Variants in ADK observed in about 807,000 individuals in gnomAD.
The protein encoded by ADK is adenosine kinase.
ADK carries 24 observed loss-of-function variants against 44.7 expected under a neutral mutation model. The ratio of observed to expected loss-of-function variants is 0.54; its 90% confidence interval spans 0.39 to 0.76. The LOEUF is 0.76. Ranked by LOEUF, ADK falls within the 30% of genes least tolerant of loss-of-function variation. The pLI, the probability that ADK is intolerant of heterozygous loss-of-function variation, is 0.00. For synonymous variants in ADK, 128 were observed against 142.6 expected (o/e 0.90, Z 0.73); for missense variants, 321 against 425.1 (o/e 0.76, Z 2.15).
chr10:74,251,092 G>A (rs748359176), intron 3 of ADK, among the ~76,000 whole-genome samples: 21 of 152,148 alleles, frequency 1.4e-4, no homozygotes, highest in Non-Finnish European at 2.6e-4. Context: ...GAGAGAGGGC[G>A]TTGAAAAAGA....
intron 3 of ADK, among the ~76,000 whole-genome samples, chr10:74,302,417 C>A (rs1840091128): frequency 6.6e-6 from 1 of 151,710 alleles, no homozygotes; most frequent in South Asian, 2.1e-4. Context: ...CCACTGCCCC[C>A]AGCCTGTTTT....
intron 7 of ADK, among the ~76,000 whole-genome samples, chr10:74,576,941 G>A (rs1007163218): frequency 6.6e-5 from 10 of 152,052 alleles, no homozygotes; most frequent in Admixed American, 2.6e-4. Flanking sequence ...GGGATAATTG[G>A]CTCCTAAGAT....
At position 74,542,852 on chromosome 10, in the gene ADK, A is replaced by G. The variant is rs541688361; in HGVS notation, c.726+17426A>G. Among the ~76,000 whole-genome samples, 232 of 152,094 alleles carry G rather than the reference A, an allele frequency of 1.5e-3. 1 individual carries two copies. Among genetic ancestry groups the G allele is most frequent in the Non-Finnish European group, 2.8e-3 (190 of 67,992 alleles). ...CTTAGAAATCATTCCATAAAAGCTC[A>G]TAGAGATCCTTCTCATTTTTAATTT... On this transcript the variant is annotated intron_variant, in intron 7 of 10. Transcript: ENST00000539909.
chr10:74,366,651 C>G (rs552084569), intron 4 of ADK, among the ~76,000 whole-genome samples: 2 of 152,238 alleles, frequency 1.3e-5, no homozygotes, highest in Admixed American at 1.3e-4. Context: ...GTGTGCCATA[C>G]AGGCATGGTG....
At chr10:74,216,037 T>C (rs938220992) in intron 2 of ADK, among the ~76,000 whole-genome samples, 2 of 152,192 alleles carry the variant, frequency 1.3e-5, no homozygotes, top group African/African-American at 2.4e-5. Context: ...CATAAACAGC[T>C]TCCTTTTTTG....
At chr10:74,458,779 A>C (rs559571803) in intron 6 of ADK, among the ~76,000 whole-genome samples, 1 of 152,136 alleles carries the variant, frequency 6.6e-6, no homozygotes, top group Non-Finnish European at 1.5e-5. Context: ...AAATAGTACT[A>C]ATCTGCCTTA....
chr10:74,381,997 T>A (rs1292679252), intron 4 of ADK, among the ~76,000 whole-genome samples: 4 of 152,240 alleles, frequency 2.6e-5, no homozygotes, highest in Non-Finnish European at 5.9e-5. Flanking sequence ...GGCATGCTTC[T>A]CTGTGGATTT....
chr10:74,295,572 C>G (rs1009431265), intron 3 of ADK, among the ~76,000 whole-genome samples: 1 of 151,876 alleles, frequency 6.6e-6, no homozygotes, highest in Non-Finnish European at 1.5e-5. Context: ...TAAATGGTGT[C>G]TTTGATGAAC....
rs577343620 is a variant in ADK, at chr10:74,570,899, A to T, written c.727-18383A>T. ...AAGGGAATGCTTCCAGTTTTTGCCC[A>T]TTCAGTATGATACTGGCTATGGGTT... On this transcript the variant is annotated intron_variant, in intron 7 of 10. Coordinates refer to ENST00000539909, the MANE Select transcript of ADK (RefSeq NM_006721.4). 1.2e-3 allele frequency among the ~76,000 whole-genome samples: 188 copies of T among 152,320 alleles called. 1 individual carries two copies. Among genetic ancestry groups the T allele is most frequent in the African/African-American group, 4.2e-3 (176 of 41,560 alleles).
chr10:74,707,624 G>A (rs750582166), intron 10 of ADK, among the ~76,000 whole-genome samples: 5 of 151,458 alleles, frequency 3.3e-5, no homozygotes, highest in Non-Finnish European at 5.9e-5. Flanking sequence ...TTAGCTGGGC[G>A]TGATGGAAGG....
intron 6 of ADK, among the ~76,000 whole-genome samples, chr10:74,500,534 C>T (rs1024605034): frequency 6.6e-6 from 1 of 151,912 alleles, no homozygotes; most frequent in African/African-American, 2.4e-5. Flanking sequence ...AGCAACTTTC[C>T]GAGTGATTCA....
intron 6 of ADK, among the ~76,000 whole-genome samples, chr10:74,458,805 CATA>C (rs1213311132): frequency 6.6e-6 from 1 of 152,100 alleles, no homozygotes; most frequent in African/African-American, 2.4e-5. Flanking sequence ...AATACTATCC[CATA>C]GACCCACCTA....
At chr10:74,696,076 A>AGTG (rs1217501280) in intron 10 of ADK, among the ~76,000 whole-genome samples, 3 of 152,122 alleles carry the variant, frequency 2.0e-5, no homozygotes, top group African/African-American at 7.2e-5. Flanking sequence ...GCTGGAATAC[A>AGTG]GTGGCACAAT....
At chr10:74,685,391 G>T (rs1009984478) in intron 10 of ADK, among the ~76,000 whole-genome samples, 3 of 152,176 alleles carry the variant, frequency 2.0e-5, no homozygotes, top group African/African-American at 7.2e-5. Flanking sequence ...AACAGACTCT[G>T]TCAGAAAGAA....
At chr10:74,608,708 T>G (rs1852431014) in intron 9 of ADK, among the ~76,000 whole-genome samples, 1 of 151,652 alleles carries the variant, frequency 6.6e-6, no homozygotes, top group Non-Finnish European at 1.5e-5. Flanking sequence ...GGCATGGGGG[T>G]CAGGGACCCA....
At chr10:74,666,966 G>A (rs1363615915) in intron 9 of ADK, among the ~76,000 whole-genome samples, 8 of 151,724 alleles carry the variant, frequency 5.3e-5, no homozygotes, top group Non-Finnish European at 1.2e-4. Flanking sequence ...AGGTAGCTAG[G>A]ATTACAGGCA....
intron 1 of ADK, among the ~76,000 whole-genome samples, chr10:74,188,143 TGTTGA>T (rs1842822885): frequency 6.6e-6 from 1 of 152,156 alleles, no homozygotes; most frequent in Non-Finnish European, 1.5e-5. Context: ...TATTCTCAAT[TGTTGA>T]GTTGTTATAA....
chr10:74,622,111 T>C (rs1853015849), intron 9 of ADK, among the ~76,000 whole-genome samples: 1 of 152,190 alleles, frequency 6.6e-6, no homozygotes, highest in Non-Finnish European at 1.5e-5. Flanking sequence ...TCTCCTGAGT[T>C]TCAGGCCTAC....
rs201231021 is a variant in ADK at position 74,600,329 on chromosome 10, T to G, written c.763-50T>G. The G allele has an allele frequency of 2.1e-4, 244 of 1,168,260 alleles. 1 individual carries two copies. Among genetic ancestry groups the G allele is most frequent in the Middle Eastern group, 1.2e-3 (6 of 5,186 alleles). The allele number at this position is 1,168,260 out of a possible 1,614,324, so 72.4% of individuals were successfully genotyped here. On this transcript the variant is annotated intron_variant, in intron 8 of 10. Transcript: ENST00000539909. ...AAATTGTTAATCTACTAATAAAGTT[T>G]TGTTTTATTTTATTGGTCATGAGAA...
Sources: allele counts gnomAD v4.1 joint callset (sites outside exome capture counted in the v4.1 genomes callset), GRCh38; gene constraint gnomAD v4.1.1; transcripts MANE v1.5; gene names NCBI Gene and HGNC (gene_info 2026-07-23, HGNC 2026-07-21).